Variants in INPPL1 observed in about 807,000 individuals in gnomAD.
INPPL1 encodes the protein inositol polyphosphate phosphatase like 1.
In INPPL1, 91 loss-of-function variants were observed where a neutral mutation model predicts 139.3. That is an observed-to-expected ratio of 0.65 (90% CI 0.55 to 0.78). The LOEUF (loss-of-function observed/expected upper bound fraction) is 0.78, where lower values mean the gene tolerates loss of function less well. Ranked by LOEUF, INPPL1 falls within the 30% of genes least tolerant of loss-of-function variation. The pLI, the probability that INPPL1 is intolerant of heterozygous loss-of-function variation, is 0.00. For missense variants in INPPL1, 1,411 were observed against 1,665.6 expected, an observed-to-expected ratio of 0.85 and a Z score of 2.66; for synonymous variants, 719 against 686.6, an observed-to-expected ratio of 1.05 and a Z score of -0.74.
chr11:72,237,032 T>C lies in INPPL1; in HGVS notation c.2880-92T>C. 2.5e-6 allele frequency: 3 copies of C among 1,204,298 alleles called. No homozygotes were observed. The South Asian group carries it at 4.4e-5, about 18-fold the overall frequency. The allele number at this position is 1,204,298 out of a possible 1,614,324, so 74.6% of individuals were successfully genotyped here. On this transcript the variant is annotated intron_variant, in intron 25 of 27. Transcript: ENST00000298229. ...GAGAAAGTCTAGGACCAGGGGACTT[T>C]CTGACTCCCGTCTAGTTCTCCTTCC...
chr11:72,232,995 T>C (rs1185255063), intron 16 of INPPL1, 21 bp downstream of exon 16: 2 of 1,612,308 alleles, frequency 1.2e-6, no homozygotes, highest in African/African-American at 1.3e-5. Flanking sequence ...GCCTGGTAGG[T>C]GGTGATCTGA....
At chr11:72,227,916 G>A in intron 1 of INPPL1, 1 of 503,228 alleles carries the variant, frequency 2.0e-6, no homozygotes, top group South Asian at 2.1e-5. Context: ...AGAGCTCCCT[G>A]TTGCTTCTCA....
chr11:72,237,640 G>A lies in INPPL1; in HGVS notation c.3396G>A (p.Glu1132=). 1 of 1,610,498 alleles carries A rather than the reference G, an allele frequency of 6.2e-7. No homozygotes were observed. Among genetic ancestry groups the A allele is most frequent in the Non-Finnish European group, 8.5e-7 (1 of 1,178,298 alleles). ...SVLQMAKTLS[E]VDYAPAGPAR... is the part of the protein sequence containing the mutation. ...TGCAGATGGCCAAGACGCTGAGCGA[G>A]GTGGACTATGCCCCTGCTGGGCCTG... The change falls in exon 26 of 28, where the codon GAG becomes GAA. Residue 1132 remains glutamate, a synonymous_variant. Transcript: ENST00000298229.
At position 72,237,468 on chromosome 11, in the gene INPPL1, C is replaced by G. The variant is rs759493505; in HGVS notation, c.3224C>G (p.Pro1075Arg). The change falls in exon 26 of 28, where the codon CCA becomes CGA. Residue 1075 changes from proline to arginine, a missense_variant. Pro to Arg is a moderately radical substitution (Grantham distance 103). Around this residue, in one of 5 missense-constraint regions of INPPL1, gnomAD observed 438 missense variants for 425.7 expected, o/e 1.03. Transcript: ENST00000298229. ...CCCAGCCTGGATCCTTTACCAGGGC[C>G]AGTGGTCCGGGGCCGTGGTGGGGCT... is the stretch of plus-strand genomic sequence containing the variant. ...LPPSLDPLPG[P>R]VVRGRGGAEA... 3.7e-6 allele frequency: 6 copies of G among 1,610,100 alleles called. No individual in the cohort carries two copies. The highest frequency in any genetic ancestry group is 5.1e-6 in the Non-Finnish European group (6 of 1,177,652).
chr11:72,234,732 A>AGTGTGTGTGTGTGT lies in INPPL1; in HGVS notation c.2415+136_2415+149dup. On this transcript the variant is annotated intron_variant, in intron 21 of 27. Transcript: ENST00000298229. This position sits in a 1 kb window ranked among gnomAD's most constrained non-coding sequence, Gnocchi z 4.2. ...GGGGCCAGCAGAGAGAGAGAGAGAG[A>AGTGTGTGTGTGTGT]GTGTGTGTGTGTGTGTGTGTGTGTG... The AGTGTGTGTGTGTGT allele has an allele frequency of 3.8e-6, 2 of 527,280 alleles. No homozygotes were observed. The highest frequency in any genetic ancestry group is 2.1e-5 in the African/African-American group (1 of 48,224). The allele number at this position is 527,280 out of a possible 1,614,324, so 32.7% of individuals were successfully genotyped here.
At position 72,225,104 on chromosome 11, in the gene INPPL1, C is replaced by T; in HGVS notation, c.120C>T (p.Arg40=). The T allele has an allele frequency of 8.1e-7, 1 of 1,232,380 alleles. No individual in the cohort carries two copies. Among genetic ancestry groups the T allele is most frequent in the Non-Finnish European group, 1.0e-6 (1 of 988,180 alleles). The allele number at this position is 1,232,380 out of a possible 1,614,324, so 76.3% of individuals were successfully genotyped here. Residue 40 remains arginine, a synonymous_variant, in exon 1 of 28, where the codon CGC becomes CGT. Transcript: ENST00000298229. ...AAEELLARAG[R]DGSFLVRDSE... ...AGGAGCTGCTGGCCCGGGCGGGCCG[C>T]GATGGCAGCTTCCTGGTCCGAGACA... is the stretch of plus-strand genomic sequence containing the variant.
At position 72,234,189 on chromosome 11, in the gene INPPL1, CCT is replaced by C. The variant is rs1948916202; in HGVS notation, c.2213-91_2213-90del. ...TGGCCCTGCCTCCTTGCTCTGGACCCCTGATTTCCTGTCCCAGGGCCCTGTTT... is the reference window on the plus strand; with the variant it reads ...TGGCCCTGCCTCCTTGCTCTGGACCCGATTTCCTGTCCCAGGGCCCTGTTT... On this transcript the variant is annotated intron_variant, in intron 19 of 27. Coordinates refer to ENST00000298229, the MANE Select transcript of INPPL1 (RefSeq NM_001567.4). The surrounding 1 kb of genome is among the most constrained non-coding windows in gnomAD (Gnocchi z 4.2). 2 of 988,000 alleles carry C rather than the reference CCT, an allele frequency of 2.0e-6. No homozygotes were observed. Among genetic ancestry groups the C allele is most frequent in the African/African-American group, 3.2e-5 (2 of 61,970 alleles). 61.2% of individuals were successfully genotyped at this position (988,000 alleles called of 1,614,324 possible).
At position 72,231,022 on chromosome 11, in the gene INPPL1, TC is replaced by T; in HGVS notation, c.1332del (p.Trp445GlyfsTer16). ...TGTACCACCTCCAAAAAACGTGACATCCTGGTTCACATCGAAGGGTCTGGGG... is the reference window on the plus strand; with the variant it reads ...TGTACCACCTCCAAAAAACGTGACATCTGGTTCACATCGAAGGGTCTGGGG... ...GSVPPPKNVT[S>X]WFTSKGLGKT... On this transcript the variant is annotated frameshift_variant, in exon 12 of 28. Coordinates refer to ENST00000298229, the MANE Select transcript of INPPL1 (RefSeq NM_001567.4). LOFTEE classifies it high-confidence loss of function. 1 of 1,613,946 alleles carries T rather than the reference TC, an allele frequency of 6.2e-7. No individual in the cohort carries two copies. The highest frequency in any genetic ancestry group is 2.2e-5 in the East Asian group (1 of 44,868).
rs1237817646 is a variant in INPPL1, at chr11:72,231,160, A to G, written c.1468A>G (p.Lys490Glu). ...GCTGGACCTACTGCGCGGGGGCCTC[A>G]AGGAGCTTACGGATCTGGATTACCG... is the stretch of plus-strand genomic sequence containing the variant. ...EWLDLLRGGL[K>E]ELTDLDYRPI... The change falls in exon 12 of 28, where the codon AAG (lysine) becomes GAG (glutamate). Residue 490 changes from lysine to glutamate, a missense_variant. Transcript: ENST00000298229. The G allele has an allele frequency of 6.2e-7, 1 of 1,613,316 alleles. No homozygotes were observed. The highest frequency in any genetic ancestry group is 2.2e-5 in the East Asian group (1 of 44,882).
chr11:72,229,571 G>A lies in INPPL1; in HGVS notation c.753+13G>A. ...TTTGCAGCAGCAGGTAGATTGTAGG[G>A]AGACCTCTGGGAGGTGCGTTCGTGT... is the stretch of plus-strand genomic sequence containing the variant. On this transcript the variant is annotated intron_variant, in intron 6 of 27. Transcript: ENST00000298229. 2 of 1,613,850 alleles carry A rather than the reference G, an allele frequency of 1.2e-6. No homozygotes were observed. Among genetic ancestry groups the A allele is most frequent in the Non-Finnish European group, 1.7e-6 (2 of 1,179,744 alleles).
In INPPL1 at chr11:72,233,690, C is replaced by G. The variant is rs1337345751; in HGVS notation, c.2158C>G (p.Pro720Ala). Reference protein sequence around the residue: ...TDDIVTSDHSPVFGTFEVGVT... With the variant: ...TDDIVTSDHSAVFGTFEVGVT... Reference sequence around the variant, plus strand: ...TGACATCGTCACCAGCGACCATTCCCCCGTGTTTGGGACATTTGAGGTTGG... The same window carrying G: ...TGACATCGTCACCAGCGACCATTCCGCCGTGTTTGGGACATTTGAGGTTGG... The change falls in exon 19 of 28, where the codon CCC (proline) becomes GCC (alanine). Residue 720 changes from proline (P) to alanine (A), a missense_variant. Physicochemically the swap from Pro to Ala is conservative, Grantham distance 27. This residue lies in a region of INPPL1 where 363 missense variants were observed against 446.2 expected (regional missense o/e 0.81). Transcript: ENST00000298229. The G allele has an allele frequency of 6.2e-6, 10 of 1,614,062 alleles. No homozygotes were observed. Among genetic ancestry groups the G allele is most frequent in the African/African-American group, 4.0e-5 (3 of 74,916 alleles).
chr11:72,237,466 G>C lies in INPPL1; in HGVS notation c.3222G>C (p.Gly1074=), dbSNP rs753306914. ...CCCCCAGCCTGGATCCTTTACCAGG[G>C]CCAGTGGTCCGGGGCCGTGGTGGGG... The part of the protein sequence containing the change: ...FLPPSLDPLP[G]PVVRGRGGAE... Residue 1074 remains glycine, a synonymous_variant, in exon 26 of 28, where the codon GGG becomes GGC. Transcript: ENST00000298229. The C allele has an allele frequency of 1.9e-5, 30 of 1,610,164 alleles. No homozygotes were observed. The Admixed American group carries it at 4.8e-4, about 26-fold the overall frequency.
chr11:72,227,681 G>A (rs1221808836), intron 1 of INPPL1, among the ~76,000 whole-genome samples: 1 of 152,208 alleles, frequency 6.6e-6, no homozygotes, highest in African/African-American at 2.4e-5. Context: ...TGGTGGGAAG[G>A]CCTAGGGTGA....
chr11:72,230,573 C>G lies in INPPL1; in HGVS notation c.1197+105C>G, dbSNP rs960601390. ...GGAACACATGATGTAGGCATGCCAT[C>G]CCTCCTGGCAGGGGTAGGTCTGACA... is the stretch of plus-strand genomic sequence containing the variant. On this transcript the variant is annotated intron_variant, in intron 10 of 27. Coordinates refer to ENST00000298229, the MANE Select transcript of INPPL1 (RefSeq NM_001567.4). The G allele has an allele frequency of 5.2e-6, 6 of 1,150,922 alleles. No individual in the cohort carries two copies. The Admixed American group carries it at 9.5e-5, about 18-fold the overall frequency. 71.3% of individuals were successfully genotyped at this position (1,150,922 alleles called of 1,614,324 possible). A position where few individuals can be genotyped will look rare whatever the true frequency, so the allele number is the denominator to read the frequency against.
chr11:72,232,832 G>A (rs1019106994), intron 15 of INPPL1, 43 bp from the exon 16 acceptor site: 1 of 1,613,694 alleles, frequency 6.2e-7, no homozygotes, highest in Non-Finnish European at 8.5e-7. Context: ...CCCTGGCTCT[G>A]GCTCCGGAGG....
intron 15 of INPPL1, 25 bp from the exon 16 acceptor site, chr11:72,232,850 C>T (rs769901016): frequency 6.2e-7 from 1 of 1,613,746 alleles, no homozygotes. Flanking sequence ...AGGAATGTTT[C>T]TAGCCTTTGT....
At chr11:72,225,811 A>G (rs968499095) in intron 1 of INPPL1, among the ~76,000 whole-genome samples, 2 of 152,184 alleles carry the variant, frequency 1.3e-5, no homozygotes, top group African/African-American at 4.8e-5. Flanking sequence ...GCCCTGAGCT[A>G]TGAGTGCTGA....
rs918846796 is a variant in INPPL1 at position 72,228,601 on chromosome 11, C to A, written c.397+103C>A. 1 of 1,543,710 alleles carries A rather than the reference C, an allele frequency of 6.5e-7. No homozygotes were observed. The highest frequency in any genetic ancestry group is 2.3e-5 in the East Asian group (1 of 44,198). ...CCCCACCTCTCCTGTAACCCCCTTT[C>A]CCTTGGCCATGATGCCGGGGCCCTT... On this transcript the variant is annotated intron_variant, in intron 3 of 27. Coordinates refer to ENST00000298229, the MANE Select transcript of INPPL1 (RefSeq NM_001567.4). This position sits in a 1 kb window ranked among gnomAD's most constrained non-coding sequence, Gnocchi z 5.0.
At position 72,229,522 on chromosome 11, in the gene INPPL1, G is replaced by T; in HGVS notation, c.717G>T (p.Gln239His). The change falls in exon 6 of 28, where the codon CAG becomes CAT. Residue 239 changes from glutamine to histidine, a missense_variant. This residue lies in a region of INPPL1 where 504 missense variants were observed against 595.6 expected (regional missense o/e 0.85). Coordinates refer to ENST00000298229, the MANE Select transcript of INPPL1 (RefSeq NM_001567.4). ...LEILSKVFDQ[Q>H]SSPMVTRLLQ... ...TCCTGTCCAAGGTGTTTGACCAGCA[G>T]AGCTCGCCCATGGTGACCCGCCTTT... 6.2e-7 allele frequency: 1 copy of T among 1,614,164 alleles called. No individual in the cohort carries two copies. Among genetic ancestry groups the T allele is most frequent in the South Asian group, 1.1e-5 (1 of 91,078 alleles).
Sources: allele counts gnomAD v4.1 joint callset (sites outside exome capture counted in the v4.1 genomes callset), GRCh38; gene constraint gnomAD v4.1.1; regional missense constraint gnomAD v4.1.1; non-coding constraint Gnocchi (gnomAD v3.1); transcripts MANE v1.5; gene names NCBI Gene and HGNC (gene_info 2026-07-23, HGNC 2026-07-21).